The following ABLIM3 variants were observed in gnomAD, a reference collection of about 807,000 sequenced individuals.
ABLIM3 encodes the protein actin-binding LIM protein 3.
Under a neutral mutation model 109.5 loss-of-function variants are expected in ABLIM3, and 61 were observed. That is an observed-to-expected ratio of 0.56 (90% CI 0.45 to 0.69). The LOEUF (loss-of-function observed/expected upper bound fraction) is 0.69, where lower values mean the gene tolerates loss of function less well. Ranked by LOEUF, ABLIM3 falls within the 30% of genes least tolerant of loss-of-function variation. The pLI, the probability that ABLIM3 is intolerant of heterozygous loss-of-function variation, is 0.00. For missense variants in ABLIM3, 796 were observed against 889.5 expected (o/e 0.89, Z 1.34); for synonymous variants, 300 against 324.8 (o/e 0.92, Z 0.82).
intron 9 of ABLIM3, among the ~76,000 whole-genome samples, chr5:149,232,304 T>C (rs1761943026): frequency 6.6e-6 from 1 of 152,146 alleles, no homozygotes; most frequent in Non-Finnish European, 1.5e-5. Flanking sequence ...AGACTCTGTC[T>C]CAAAAATAAA....
intron 3 of ABLIM3, among the ~76,000 whole-genome samples, chr5:149,189,487 A>G (rs1757279611): frequency 6.6e-6 from 1 of 152,260 alleles, no homozygotes; most frequent in East Asian, 1.9e-4. Context: ...CAGCTATGTA[A>G]AGAATTCTTA....
At chr5:149,193,039 C>T (rs1346065254) in intron 3 of ABLIM3, among the ~76,000 whole-genome samples, 1 of 152,038 alleles carries the variant, frequency 6.6e-6, no homozygotes, top group African/African-American at 2.4e-5. Context: ...AGAGGTACAT[C>T]AGACAAATGC....
At chr5:149,195,483 C>A (rs1169799796) in intron 3 of ABLIM3, among the ~76,000 whole-genome samples, 2 of 152,210 alleles carry the variant, frequency 1.3e-5, no homozygotes, top group Non-Finnish European at 2.9e-5. Flanking sequence ...ACCTTTACAT[C>A]CTTTCTACCA....
At chr5:149,236,815 G>T in intron 10 of ABLIM3, among the ~76,000 whole-genome samples, 1 of 152,154 alleles carries the variant, frequency 6.6e-6, no homozygotes, top group East Asian at 1.9e-4. Flanking sequence ...TGTGCCTCTG[G>T]TTCCTTATTC....
At chr5:149,190,158 A>G (rs567955629) in intron 3 of ABLIM3, among the ~76,000 whole-genome samples, 2 of 152,352 alleles carry the variant, frequency 1.3e-5, no homozygotes, top group South Asian at 4.1e-4. Flanking sequence ...AAACAGGCAT[A>G]TTATATAAAG....
At position 149,179,981 on chromosome 5, in the gene ABLIM3, T is replaced by C. The variant is rs913420524; in HGVS notation, c.14-3471T>C. On this transcript the variant is annotated intron_variant, in intron 2 of 23. Transcript: ENST00000309868. The stretch of plus-strand genomic sequence containing the variant: ...TTGGGCACCCTTTATTGGCCAGTAA[T>C]GTTAAAAGAAGCCAGAGGTTCTCTG... Among the ~76,000 whole-genome samples, 4 of 152,138 alleles carry C rather than the reference T, an allele frequency of 2.6e-5. No individual in the cohort carries two copies. In the East Asian group the frequency reaches 5.8e-4, roughly 22 times the overall value.
intron 3 of ABLIM3, among the ~76,000 whole-genome samples, chr5:149,197,063 T>C (rs1758048665): frequency 1.3e-5 from 2 of 152,228 alleles, no homozygotes; most frequent in Non-Finnish European, 2.9e-5. Context: ...TGGAGAATTA[T>C]TACAATCTTC....
intron 15 of ABLIM3, chr5:149,244,112 C>T (rs911932365): frequency 4.6e-5 from 7 of 152,702 alleles, no homozygotes; most frequent in African/African-American, 1.7e-4. Context: ...CCTCTCTCTG[C>T]TCTACCAGCC....
intron 3 of ABLIM3, among the ~76,000 whole-genome samples, chr5:149,188,741 C>T (rs77807704): frequency 0.05 from 7,612 of 152,238 alleles, 579 homozygotes; most frequent in African/African-American, 0.17. Context: ...CATCTCTAAA[C>T]ACTAGGATGT....
rs1753933953 is a variant in ABLIM3, at chr5:149,251,573, C to T, written c.1849+154C>T. ...GTTCTTACTCTCTTTCACTTCCCAC[C>T]CCCTCCCTTTTCCCCTGCTCTTCCG... On this transcript the variant is annotated intron_variant, in intron 21 of 23. Coordinates refer to ENST00000309868, the MANE Select transcript of ABLIM3 (RefSeq NM_014945.5). 3 of 872,070 alleles carry T rather than the reference C, an allele frequency of 3.4e-6. No individual in the cohort carries two copies. In the Admixed American group the frequency reaches 6.3e-5, roughly 18 times the overall value. 54.0% of individuals were successfully genotyped at this position (872,070 alleles called of 1,614,324 possible).
intron 3 of ABLIM3, among the ~76,000 whole-genome samples, chr5:149,185,352 A>G (rs758134711): frequency 5.4e-4 from 82 of 152,128 alleles, no homozygotes; most frequent in Non-Finnish European, 1.0e-3. Context: ...GCTTGTTCAT[A>G]TGGTGGTCTC....
At position 149,210,443 on chromosome 5, in the gene ABLIM3, G is replaced by T. The variant is rs531805600; in HGVS notation, c.576-283G>T. Among the ~76,000 whole-genome samples the T allele has an allele frequency of 3.3e-5, 5 of 152,332 alleles. 1 individual carries two copies. Among genetic ancestry groups the T allele is most frequent in the African/African-American group, 1.2e-4 (5 of 41,574 alleles). Reference sequence around the variant, plus strand: ...TGTTAGTGGCTATTAGTCATAGGGGGTGGTATAAGAATAAGGGATAACAAT... The same window carrying T: ...TGTTAGTGGCTATTAGTCATAGGGGTTGGTATAAGAATAAGGGATAACAAT... On this transcript the variant is annotated intron_variant, in intron 6 of 23. Transcript: ENST00000309868.
Position 149,207,154 on chromosome 5 carries a change from C to A in ABLIM3, c.575+20C>A, listed in dbSNP as rs562537084. The A allele has an allele frequency of 7.5e-6, 12 of 1,609,692 alleles. No individual in the cohort carries two copies. The African/African-American group carries it at 1.6e-4, about 21-fold the overall frequency. On this transcript the variant is annotated intron_variant, in intron 6 of 23. Transcript: ENST00000309868. ...CAGCAAGTGGGTCCCCCTGCTCCTGCCCCAGCTGCCTGGGCCTCTGCATTC... is the reference window on the plus strand; with the variant it reads ...CAGCAAGTGGGTCCCCCTGCTCCTGACCCAGCTGCCTGGGCCTCTGCATTC...
intron 6 of ABLIM3, among the ~76,000 whole-genome samples, chr5:149,208,989 G>T (rs953504854): frequency 1.3e-5 from 2 of 152,160 alleles, no homozygotes; most frequent in Non-Finnish European, 2.9e-5. Flanking sequence ...GGCAGTAGGG[G>T]AGTGTTGGAC....
intron 8 of ABLIM3, among the ~76,000 whole-genome samples, chr5:149,224,801 T>C (rs530396814): frequency 6.8e-4 from 103 of 152,286 alleles, no homozygotes; most frequent in African/African-American, 2.3e-3. Context: ...ACCAAACCTA[T>C]GAGGCAGATA....
At chr5:149,152,975 C>T (rs768628410) in intron 2 of ABLIM3, among the ~76,000 whole-genome samples, 2 of 152,074 alleles carry the variant, frequency 1.3e-5, no homozygotes, top group Non-Finnish European at 2.9e-5. Flanking sequence ...AAATAATTCA[C>T]AGAAAGCAAA....
chr5:149,144,520 T>C (rs986050805), intron 2 of ABLIM3, among the ~76,000 whole-genome samples: 1 of 152,230 alleles, frequency 6.6e-6, no homozygotes, highest in Non-Finnish European at 1.5e-5. Context: ...ATATTGTCCC[T>C]AATAGAAACT....
intron 2 of ABLIM3, among the ~76,000 whole-genome samples, chr5:149,151,790 G>A (rs1262229042): frequency 2.0e-5 from 3 of 152,214 alleles, no homozygotes; most frequent in African/African-American, 4.8e-5. Context: ...CATGACATTC[G>A]TTTCCAATCT....
chr5:149,148,061 A>AT (rs1252619477), intron 2 of ABLIM3, among the ~76,000 whole-genome samples: 4 of 152,150 alleles, frequency 2.6e-5, no homozygotes, highest in Non-Finnish European at 5.9e-5. Context: ...CTGAAGTGTG[A>AT]TTTTTTAAGG....
Sources: gnomAD v4.1 joint callset for allele counts (sites outside exome capture counted in the v4.1 genomes callset) on GRCh38, gnomAD v4.1.1 for gene constraint, MANE v1.5 for transcripts, NCBI Gene and HGNC (gene_info 2026-07-23, HGNC 2026-07-21) for gene names.